The following ANXA8 variants were observed in gnomAD, a reference collection of about 807,000 sequenced individuals.
The protein encoded by ANXA8 is VAC-beta.
Under a neutral mutation model 26.8 loss-of-function variants are expected in ANXA8, and 9 were observed. The ratio of observed to expected loss-of-function variants is 0.34; its 90% CI spans 0.20 to 0.59. The LOEUF is 0.59. Among genes scored for constraint, ANXA8 ranks in the 20% least tolerant of loss-of-function variants. The pLI is 0.84. For synonymous variants in ANXA8, 39 were observed against 94.8 expected (o/e 0.41, Z 3.42); for missense variants, 83 against 238.5 (o/e 0.35, Z 4.29).
the ANXA8 span, among the ~76,000 whole-genome samples, chr10:47,733,225 T>TTCTCTTTCTCTCTCTCTC: frequency 1.9e-4 from 11 of 58,350 alleles, no homozygotes; most frequent in Admixed American, 6.0e-4. Context: ...TTCTTTCTCT[T>TTCTCTTTCTCTCTCTCTC]TCTTTCTCTC....
At chr10:47,720,564 A>G in the ANXA8 span, among the ~76,000 whole-genome samples, 1 of 145,086 alleles carries the variant, frequency 6.9e-6, no homozygotes, top group Non-Finnish European at 1.5e-5. Flanking sequence ...TTTTTGAATA[A>G]TAGGTAGTCA....
the ANXA8 span, among the ~76,000 whole-genome samples, chr10:47,743,193 T>C: frequency 9.8e-6 from 1 of 102,014 alleles, no homozygotes; most frequent in African/African-American, 3.7e-5. Flanking sequence ...AAAAAAGAAA[T>C]GGAAAAAGAA....
chr10:47,498,251 T>A, the ANXA8 span, among the ~76,000 whole-genome samples: 5 of 149,640 alleles, frequency 3.3e-5, no homozygotes, highest in African/African-American at 1.2e-4. Flanking sequence ...AGGAACACCG[T>A]ATTTGTCTTT....
At chr10:47,665,465 T>C in the ANXA8 span, among the ~76,000 whole-genome samples, 9 of 151,276 alleles carry the variant, frequency 5.9e-5, no homozygotes, top group Admixed American at 5.9e-4. Context: ...ATCATGATAA[T>C]GTATTTCTCC....
the ANXA8 span, among the ~76,000 whole-genome samples, chr10:47,510,829 CAA>C: frequency 2.5e-3 from 69 of 27,244 alleles, no homozygotes; most frequent in African/African-American, 0.011. Context: ...GACTCCGTCT[CAA>C]AAAAAAAAAA....
the ANXA8 span, among the ~76,000 whole-genome samples, chr10:47,498,156 C>G: frequency 6.7e-6 from 1 of 150,316 alleles, no homozygotes; most frequent in Non-Finnish European, 1.5e-5. Flanking sequence ...CCCATTTTCT[C>G]CCTTCCCCAT....
the ANXA8 span, among the ~76,000 whole-genome samples, chr10:47,918,383 G>GAGAAAGAAAGAA: frequency 0.086 from 897 of 10,480 alleles, 191 homozygotes; most frequent in East Asian, 0.15. Context: ...GAGAGAGAGA[G>GAGAAAGAAAGAA]AGAAAGAAAG....
the ANXA8 span, among the ~76,000 whole-genome samples, chr10:47,955,119 C>T: frequency 6.7e-6 from 1 of 148,504 alleles, no homozygotes. Context: ...GTGAATAAAC[C>T]TCATGAGATG....
chr10:47,691,832 C>T, the ANXA8 span, among the ~76,000 whole-genome samples: 2 of 138,586 alleles, frequency 1.4e-5, no homozygotes, highest in Non-Finnish European at 3.0e-5. Flanking sequence ...TTTCTGTTGC[C>T]TTATTTTATT....
At chr10:47,490,126 G>C in the ANXA8 span, among the ~76,000 whole-genome samples, 22 of 151,012 alleles carry the variant, frequency 1.5e-4, 1 homozygote, top group African/African-American at 5.4e-4. Flanking sequence ...GCCTCAGGTT[G>C]GTTTCCAAAG....
At chr10:47,667,219 T>G in the ANXA8 span, among the ~76,000 whole-genome samples, 1 of 152,086 alleles carries the variant, frequency 6.6e-6, no homozygotes, top group Non-Finnish European at 1.5e-5. Flanking sequence ...ATACCTTATG[T>G]TTTCTGAAAA....
the ANXA8 span, among the ~76,000 whole-genome samples, chr10:47,527,555 C>A: frequency 6.7e-6 from 1 of 148,688 alleles, no homozygotes; most frequent in East Asian, 2.1e-4. Context: ...AGTGCCTGTT[C>A]AATAGGTACT....
At chr10:47,649,941 C>A in the ANXA8 span, among the ~76,000 whole-genome samples, 1 of 150,944 alleles carries the variant, frequency 6.6e-6, no homozygotes, top group African/African-American at 2.5e-5. Flanking sequence ...AGGCACAGTG[C>A]TCACTCCTGT....
chr10:47,712,800 TTTGTTTG>T, the ANXA8 span, among the ~76,000 whole-genome samples: 1 of 1,792 alleles, frequency 5.6e-4, no homozygotes, highest in Non-Finnish European at 1.5e-3. Flanking sequence ...ACTTTTTTTT[TTTGTTTG>T]TTTGAGACAG....
the ANXA8 span, among the ~76,000 whole-genome samples, chr10:47,939,568 C>T: frequency 6.9e-6 from 1 of 144,992 alleles, no homozygotes; most frequent in African/African-American, 2.7e-5. Context: ...ACACCTTCTC[C>T]AGTCTCCGTC....
chr10:47,718,088 G>A, the ANXA8 span, among the ~76,000 whole-genome samples: 1 of 152,058 alleles, frequency 6.6e-6, no homozygotes, highest in African/African-American at 2.4e-5. Context: ...GCCTACTACA[G>A]GAGACTACTT....
the ANXA8 span, among the ~76,000 whole-genome samples, chr10:47,766,187 A>G: frequency 1.8e-5 from 2 of 111,418 alleles, no homozygotes; most frequent in Non-Finnish European, 3.6e-5. Flanking sequence ...TGGCAGATGA[A>G]GGGCTCTTGC....
chr10:47,483,563 C>T (rs1365190913), intron 1 of ANXA8, among the ~76,000 whole-genome samples: 3 of 139,356 alleles, frequency 2.2e-5, no homozygotes, highest in Admixed American at 7.1e-5. Flanking sequence ...TGTGTGCACC[C>T]CATACACATT....
chr10:47,654,037 T>C, the ANXA8 span, among the ~76,000 whole-genome samples: 2 of 151,788 alleles, frequency 1.3e-5, no homozygotes, highest in East Asian at 3.8e-4. Flanking sequence ...CTGTGCCAAA[T>C]TTCACATGTA....
Sources: allele counts gnomAD v4.1 joint callset (sites outside exome capture counted in the v4.1 genomes callset), GRCh38; gene constraint gnomAD v4.1.1; transcripts MANE v1.5; gene names NCBI Gene and HGNC (gene_info 2026-07-23, HGNC 2026-07-21).